Variants in KCTD8 observed in about 807,000 individuals in gnomAD.
The protein encoded by KCTD8 is potassium channel tetramerization domain containing 8, also known as BTB/POZ domain-containing protein KCTD8.
A neutral mutation model predicts 31.5 loss-of-function variants in KCTD8; 27 were observed. That is an observed-to-expected ratio of 0.86 (90% CI 0.63 to 1.18). The LOEUF is 1.18. KCTD8 is among the 50% of genes most tolerant of loss of function. The probability of loss-of-function intolerance (pLI) is 0.00; values close to 1 mark genes in which losing one functional copy is unlikely to be tolerated. For synonymous variants in KCTD8, 290 were observed against 280.0 expected, an observed-to-expected ratio of 1.04 and a Z score of -0.36; for missense variants, 658 against 647.7, an observed-to-expected ratio of 1.02 and a Z score of -0.17.
chr4:44,348,602 A>G (rs1719101012), intron 1 of KCTD8, among the ~76,000 whole-genome samples: 1 of 152,154 alleles, frequency 6.6e-6, no homozygotes. Context: ...CCTTACCAAA[A>G]AATACTTATT....
chr4:44,333,967 T>G (rs1718652496), intron 1 of KCTD8, among the ~76,000 whole-genome samples: 1 of 152,106 alleles, frequency 6.6e-6, no homozygotes, highest in South Asian at 2.1e-4. Context: ...GATCACAGAC[T>G]GTTAGAAGCA....
At chr4:44,234,738 G>T (rs1715225536) in intron 1 of KCTD8, among the ~76,000 whole-genome samples, 1 of 152,110 alleles carries the variant, frequency 6.6e-6, no homozygotes, top group East Asian at 1.9e-4. Context: ...GCCCTTCTAG[G>T]AAACAGCAGC....
intron 1 of KCTD8, among the ~76,000 whole-genome samples, chr4:44,412,699 T>C (rs1225624249): frequency 6.6e-6 from 1 of 152,148 alleles, no homozygotes; most frequent in Non-Finnish European, 1.5e-5. Flanking sequence ...ACATTACAAA[T>C]TTTAAGAGTA....
chr4:44,241,410 C>T (rs773798490), intron 1 of KCTD8, among the ~76,000 whole-genome samples: 15 of 152,308 alleles, frequency 9.8e-5, no homozygotes, highest in Middle Eastern at 6.8e-3. Flanking sequence ...CCTGAACACA[C>T]GCACATTCGT....
At chr4:44,408,011 T>TTTCG (rs1720845360) in intron 1 of KCTD8, among the ~76,000 whole-genome samples, 1 of 152,118 alleles carries the variant, frequency 6.6e-6, no homozygotes, top group African/African-American at 2.4e-5. Flanking sequence ...CTCTGACACT[T>TTTCG]TTCGTTACCC....
At chr4:44,374,330 C>A (rs1719866096) in intron 1 of KCTD8, among the ~76,000 whole-genome samples, 1 of 152,108 alleles carries the variant, frequency 6.6e-6, no homozygotes, top group Non-Finnish European at 1.5e-5. Context: ...ATTCTCTCGG[C>A]CTTCACAGAA....
intron 1 of KCTD8, among the ~76,000 whole-genome samples, chr4:44,251,659 T>G (rs954571247): frequency 6.6e-6 from 1 of 151,502 alleles, no homozygotes; most frequent in African/African-American, 2.4e-5. Context: ...GTTAATAGGG[T>G]TCCTTATTTT....
At chr4:44,409,931 T>G (rs1720913416) in intron 1 of KCTD8, among the ~76,000 whole-genome samples, 1 of 152,074 alleles carries the variant, frequency 6.6e-6, no homozygotes, top group Non-Finnish European at 1.5e-5. Flanking sequence ...TACAGCATAC[T>G]GGGGCTTTTA....
At chr4:44,423,149 G>C (rs1362263955) in intron 1 of KCTD8, among the ~76,000 whole-genome samples, 1 of 152,098 alleles carries the variant, frequency 6.6e-6, no homozygotes, top group African/African-American at 2.4e-5. Context: ...CTGTTGGCTA[G>C]AGGACAGGGT....
At chr4:44,361,366 G>T (rs534659874) in intron 1 of KCTD8, among the ~76,000 whole-genome samples, 1 of 151,916 alleles carries the variant, frequency 6.6e-6, no homozygotes, top group Non-Finnish European at 1.5e-5. Context: ...TGTTTAACAT[G>T]TTCTCTACAA....
chr4:44,174,837 G>T lies in KCTD8; in HGVS notation c.1375C>A (p.Arg459Ser). 1 of 1,613,386 alleles carries T rather than the reference G, an allele frequency of 6.2e-7. No homozygotes were observed. Among genetic ancestry groups the T allele is most frequent in the Non-Finnish European group, 8.5e-7 (1 of 1,179,736 alleles). Residue 459 changes from arginine (R) to serine (S), a missense_variant, in exon 2 of 2, where the codon CGC (arginine) becomes AGC (serine). By Grantham distance (110) the Arg-to-Ser change is moderately radical (BLOSUM62 -1). Coordinates refer to ENST00000360029, the MANE Select transcript of KCTD8 (RefSeq NM_198353.3). Reference protein sequence around the residue: ...KIHIPDYFPERKRQWQSELLQ... With the variant: ...KIHIPDYFPESKRQWQSELLQ... The stretch of plus-strand genomic sequence containing the variant: ...AGTTCAGATTGCCATTGGCGTTTGC[G>T]CTCTGGAAAATAATCTGGAATGTGG...
chr4:44,194,815 CCCTT>C (rs1167841653), intron 1 of KCTD8, among the ~76,000 whole-genome samples: 1,650 of 94,712 alleles, frequency 0.017, 39 homozygotes, highest in African/African-American at 0.034. Context: ...CTCCCTCCCT[CCCTT>C]CCTTCCTTCC....
At chr4:44,423,902 A>G (rs541562304) in intron 1 of KCTD8, among the ~76,000 whole-genome samples, 2 of 152,240 alleles carry the variant, frequency 1.3e-5, no homozygotes, top group Admixed American at 1.3e-4. Context: ...ATGTGACTTG[A>G]TTCTATAGTA....
intron 1 of KCTD8, among the ~76,000 whole-genome samples, chr4:44,380,532 A>C (rs1235851022): frequency 6.6e-6 from 1 of 151,682 alleles, no homozygotes; most frequent in Admixed American, 6.6e-5. Flanking sequence ...AAATAATTTT[A>C]ATTATTAATT....
intron 1 of KCTD8, among the ~76,000 whole-genome samples, chr4:44,196,578 A>G (rs1211165255): frequency 6.6e-6 from 1 of 152,208 alleles, no homozygotes; most frequent in Non-Finnish European, 1.5e-5. Flanking sequence ...CTAAAAAACC[A>G]TGTCAGGATC....
Position 44,245,022 on chromosome 4 carries a change from A to T in KCTD8, c.962-69772T>A, listed in dbSNP as rs576546689. Among the ~76,000 whole-genome samples, 12 of 152,228 alleles carry T rather than the reference A, an allele frequency of 7.9e-5. No homozygotes were observed. The South Asian group carries it at 2.5e-3, about 32-fold the overall frequency. On this transcript the variant is annotated intron_variant, in intron 1 of 1. Transcript: ENST00000360029. ...CTGCACAACACATTTTTAAGCACAT[A>T]CTTTATTTCAGTTTGTTTAAAGAGT...
chr4:44,397,715 C>CA (rs1286229436), intron 1 of KCTD8, among the ~76,000 whole-genome samples: 2 of 151,910 alleles, frequency 1.3e-5, no homozygotes, highest in African/African-American at 2.4e-5. Context: ...TATCTTCTTA[C>CA]AAAAAAATGA....
intron 1 of KCTD8, among the ~76,000 whole-genome samples, chr4:44,229,913 G>T (rs1715073288): frequency 1.3e-5 from 2 of 151,866 alleles, no homozygotes; most frequent in African/African-American, 4.8e-5. Context: ...GTGCCATGGT[G>T]GTTTGCTGCA....
At chr4:44,388,053 C>T (rs1398073084) in intron 1 of KCTD8, among the ~76,000 whole-genome samples, 4 of 147,906 alleles carry the variant, frequency 2.7e-5, no homozygotes, top group African/African-American at 9.9e-5. Flanking sequence ...GGGCAAAGGA[C>T]ATGAACAGAC....
Sources: gnomAD v4.1 joint callset for allele counts (sites outside exome capture counted in the v4.1 genomes callset) on GRCh38, gnomAD v4.1.1 for gene constraint, MANE v1.5 for transcripts, NCBI Gene and HGNC (gene_info 2026-07-23, HGNC 2026-07-21) for gene names.